Variants in RNF214 observed in about 807,000 individuals in gnomAD.
The protein encoded by RNF214 is ring finger protein 214.
A neutral mutation model predicts 75.9 loss-of-function variants in RNF214; 25 were observed. That is an observed-to-expected ratio of 0.33 (90% confidence interval 0.24 to 0.46). The LOEUF is 0.46. Among genes scored for constraint, RNF214 ranks in the 20% least tolerant of loss-of-function variants. The pLI is 1.00. For missense variants in RNF214, 725 were observed against 857.5 expected (o/e 0.85, Z 1.93); for synonymous variants, 314 against 308.8 (o/e 1.02, Z -0.18).
chr11:117,232,798 T>TG (rs958665142), intron 1 of RNF214, 72 bp downstream of exon 1: 7 of 134,894 alleles, frequency 5.2e-5, no homozygotes, highest in Non-Finnish European at 8.1e-5. Flanking sequence ...CGAGCGTGGG[T>TG]GGGGGTTGCG....
chr11:117,253,676 T>C (rs1190269735), intron 6 of RNF214, among the ~76,000 whole-genome samples: 3 of 152,012 alleles, frequency 2.0e-5, no homozygotes, highest in Non-Finnish European at 4.4e-5. Flanking sequence ...ACCTTATCTC[T>C]ATAAAAAATA....
At position 117,239,366 on chromosome 11, in the gene RNF214, C is replaced by T. The variant is rs1591817234; in HGVS notation, c.618+255C>T. On this transcript the variant is annotated intron_variant, in intron 3 of 14. Coordinates refer to ENST00000300650, the MANE Select transcript of RNF214 (RefSeq NM_207343.4). ...TTTATGACCTACGTGTAGTCTCTTTCACTGAGTAACTGATGAGTGCAGGAC... is the reference window on the plus strand; with the variant it reads ...TTTATGACCTACGTGTAGTCTCTTTTACTGAGTAACTGATGAGTGCAGGAC... 7.6e-6 allele frequency: 4 copies of T among 526,992 alleles called. No homozygotes were observed. In the East Asian group the frequency reaches 1.3e-4, roughly 17 times the overall value. 32.6% of individuals were successfully genotyped at this position (526,992 alleles called of 1,614,324 possible).
intron 4 of RNF214, among the ~76,000 whole-genome samples, chr11:117,242,600 C>T (rs2033109482): frequency 2.0e-5 from 3 of 152,184 alleles, no homozygotes; most frequent in African/African-American, 7.2e-5. Context: ...CACCTGTAAT[C>T]TCAGCACTTT....
chr11:117,258,567 A>G (rs999154379), intron 6 of RNF214, among the ~76,000 whole-genome samples: 24 of 152,142 alleles, frequency 1.6e-4, no homozygotes, highest in African/African-American at 5.8e-4. Context: ...AATAAAATGT[A>G]TATGCAGTTA....
intron 2 of RNF214, among the ~76,000 whole-genome samples, chr11:117,235,966 CTGTT>C (rs899585645): frequency 6.6e-6 from 1 of 151,602 alleles, no homozygotes; most frequent in African/African-American, 2.4e-5. Context: ...TTCCTCAACT[CTGTT>C]TTTTTTTTGA....
chr11:117,251,166 G>A (rs1162125928), intron 6 of RNF214, among the ~76,000 whole-genome samples: 1 of 149,342 alleles, frequency 6.7e-6, no homozygotes, highest in Non-Finnish European at 1.5e-5. Flanking sequence ...TGGCAGAGGG[G>A]CTCCTCACTT....
At chr11:117,259,895 A>G (rs1164693087) in intron 6 of RNF214, among the ~76,000 whole-genome samples, 1 of 151,806 alleles carries the variant, frequency 6.6e-6, no homozygotes, top group East Asian at 1.9e-4. Flanking sequence ...TTTTAATTGC[A>G]TTTTTGGTGA....
chr11:117,266,172 C>G (rs1391443893), intron 6 of RNF214, among the ~76,000 whole-genome samples: 1 of 152,118 alleles, frequency 6.6e-6, no homozygotes, highest in African/African-American at 2.4e-5. Flanking sequence ...CATTCTCTTT[C>G]CCTCTGTGTA....
chr11:117,250,620 A>T lies in RNF214; in HGVS notation c.959+3672A>T, dbSNP rs28374884. On this transcript the variant is annotated intron_variant, in intron 6 of 14. Coordinates refer to ENST00000300650, the MANE Select transcript of RNF214 (RefSeq NM_207343.4). Reference sequence around the variant, plus strand: ...TTATTTATTTATTTATTTTTTTTTTAATTTTTTTTTTTTATTGATCATTCT... The same window carrying T: ...TTATTTATTTATTTATTTTTTTTTTTATTTTTTTTTTTTATTGATCATTCT... 1.3e-4 allele frequency among the ~76,000 whole-genome samples: 17 copies of T among 133,990 alleles called. 1 individual carries two copies. The highest frequency in any genetic ancestry group is 2.4e-4 in the African/African-American group (9 of 37,554). The allele number at this position is 133,990 out of a possible 152,430, so 87.9% of individuals were successfully genotyped here.
At position 117,281,977 on chromosome 11, in the gene RNF214, C is replaced by T. The variant is rs768323167; in HGVS notation, c.1419C>T (p.Pro473=). ...MPFSIGQVTM[P]MVMPSADPRS... Reference sequence around the variant, plus strand: ...TCTCCATTGGGCAGGTCACAATGCCCATGGTTATGCCCAGTGCAGATCCCC... The same window carrying T: ...TCTCCATTGGGCAGGTCACAATGCCTATGGTTATGCCCAGTGCAGATCCCC... Residue 473 remains proline, a synonymous_variant, in exon 11 of 15, where the codon CCC becomes CCT. Coordinates refer to ENST00000300650, the MANE Select transcript of RNF214 (RefSeq NM_207343.4). 5 of 1,614,174 alleles carry T rather than the reference C, an allele frequency of 3.1e-6. No individual in the cohort carries two copies. The highest frequency in any genetic ancestry group is 4.2e-6 in the Non-Finnish European group (5 of 1,180,030).
At chr11:117,256,242 T>C (rs538126170) in intron 6 of RNF214, among the ~76,000 whole-genome samples, 1 of 152,384 alleles carries the variant, frequency 6.6e-6, no homozygotes, top group South Asian at 2.1e-4. Flanking sequence ...TTTTGTTTAC[T>C]TAACTGCTTT....
rs773867251 is a variant in RNF214, at chr11:117,238,650, A to C, written c.157A>C (p.Ser53Arg). The C allele has an allele frequency of 6.2e-7, 1 of 1,614,188 alleles. No homozygotes were observed. Among genetic ancestry groups the C allele is most frequent in the Non-Finnish European group, 8.5e-7 (1 of 1,180,016 alleles). ...GAAGAACTCGCCTCTGTTGAGTGTA[A>C]GTAGCCAAACAATAACCAAGGAGAA... is the stretch of plus-strand genomic sequence containing the variant. ...KQKNSPLLSV[S>R]SQTITKENNR... The change falls in exon 3 of 15, where the codon AGT (serine) becomes CGT (arginine). Residue 53 changes from serine to arginine, a missense_variant. Ser to Arg is a moderately radical substitution (Grantham distance 110). Coordinates refer to ENST00000300650, the MANE Select transcript of RNF214 (RefSeq NM_207343.4).
At chr11:117,263,859 C>G (rs2033735535) in intron 6 of RNF214, 1 of 288,776 alleles carries the variant, frequency 3.5e-6, no homozygotes, top group South Asian at 3.1e-5. Context: ...GTGCTCAGTT[C>G]TAACAAGGTA....
At chr11:117,275,262 C>A (rs1357257085) in intron 6 of RNF214, among the ~76,000 whole-genome samples, 2 of 151,980 alleles carry the variant, frequency 1.3e-5, no homozygotes, top group Non-Finnish European at 2.9e-5. Context: ...AAAAGCAATA[C>A]TAAGAGGGAA....
intron 6 of RNF214, among the ~76,000 whole-genome samples, chr11:117,279,343 T>TC (rs2134418898): frequency 6.8e-6 from 1 of 147,544 alleles, no homozygotes; most frequent in East Asian, 2.0e-4. Flanking sequence ...TTTTTTTTTT[T>TC]TTTTTTGAGA....
intron 4 of RNF214, among the ~76,000 whole-genome samples, chr11:117,243,211 GTC>G (rs2033128105): frequency 6.6e-6 from 1 of 152,200 alleles, no homozygotes; most frequent in African/African-American, 2.4e-5. Context: ...CAGGGGCACA[GTC>G]TCTGCTCACT....
chr11:117,267,567 G>T (rs1591835003), intron 6 of RNF214, among the ~76,000 whole-genome samples: 2 of 151,508 alleles, frequency 1.3e-5, no homozygotes, highest in South Asian at 4.2e-4. Context: ...ACAAAAAAAA[G>T]AAAAAAAGAA....
At chr11:117,233,184 T>C (rs1411164799) in intron 1 of RNF214, among the ~76,000 whole-genome samples, 2 of 152,052 alleles carry the variant, frequency 1.3e-5, no homozygotes, top group Non-Finnish European at 2.9e-5. Context: ...AGCCACGGAG[T>C]TGCATGCATG....
intron 5 of RNF214, among the ~76,000 whole-genome samples, chr11:117,246,006 C>T (rs1170698649): frequency 1.3e-5 from 2 of 151,934 alleles, no homozygotes; most frequent in African/African-American, 2.4e-5. Flanking sequence ...GTTTTGTTGC[C>T]CAGACTGGAG....
Sources: allele counts gnomAD v4.1 joint callset (sites outside exome capture counted in the v4.1 genomes callset), GRCh38; gene constraint gnomAD v4.1.1; transcripts MANE v1.5; gene names NCBI Gene and HGNC (gene_info 2026-07-23, HGNC 2026-07-21).